Variants in KLF12 observed in about 807,000 individuals in gnomAD.
KLF12 encodes Krueppel-like factor 12.
In KLF12, 9 loss-of-function variants were observed where a neutral mutation model predicts 37.8. The observed-to-expected ratio is 0.24, with a 90% CI of 0.14 to 0.42. The LOEUF is 0.42. Ranked by LOEUF, KLF12 falls within the 10% of genes least tolerant of loss-of-function variation. KLF12 has a pLI of 1.00. For synonymous variants in KLF12, 208 were observed against 202.1 expected, an observed-to-expected ratio of 1.03 and a Z score of -0.25; for missense variants, 411 against 516.0, an observed-to-expected ratio of 0.80 and a Z score of 1.97.
At chr13:74,195,044 AC>A in the KLF12 span, among the ~76,000 whole-genome samples, 2 of 152,144 alleles carry the variant, frequency 1.3e-5, no homozygotes, top group Non-Finnish European at 2.9e-5. Flanking sequence ...AGCAGACTGA[AC>A]AGGAGCTTTG....
intron 2 of KLF12, among the ~76,000 whole-genome samples, chr13:73,994,242 T>C (rs942520215): frequency 6.6e-6 from 1 of 152,072 alleles, no homozygotes; most frequent in Non-Finnish European, 1.5e-5. Context: ...AAATATGAAA[T>C]TGTATTGCTG....
intron 1 of KLF12, among the ~76,000 whole-genome samples, chr13:74,046,317 A>C (rs1182378723): frequency 1.3e-5 from 2 of 152,190 alleles, no homozygotes; most frequent in African/African-American, 2.4e-5. Flanking sequence ...ACTCCAAAAA[A>C]TAAAGTTTAT....
chr13:74,100,734 T>C (rs4885150), intron 1 of KLF12, among the ~76,000 whole-genome samples: 83,831 of 152,070 alleles, frequency 0.55, 28,285 homozygotes, highest in East Asian at 0.89. Context: ...CATAAAAATG[T>C]ATGTGTACAT....
At chr13:74,150,458 A>G in the KLF12 span, among the ~76,000 whole-genome samples, 1 of 152,218 alleles carries the variant, frequency 6.6e-6, no homozygotes, top group Non-Finnish European at 1.5e-5. Flanking sequence ...CATCTCAACT[A>G]TTCATGACCT....
intron 7 of KLF12, among the ~76,000 whole-genome samples, chr13:73,705,946 G>A (rs1474625064): frequency 6.6e-6 from 1 of 152,164 alleles, no homozygotes; most frequent in Non-Finnish European, 1.5e-5. Flanking sequence ...AAGGTCATGA[G>A]ATCGAGACCA....
At chr13:74,126,833 C>T (rs1877969429) in intron 1 of KLF12, among the ~76,000 whole-genome samples, 1 of 152,074 alleles carries the variant, frequency 6.6e-6, no homozygotes. Flanking sequence ...ATTCCATGTG[C>T]CAGTTATTTG....
At chr13:73,774,148 T>G (rs9600168) in intron 5 of KLF12, among the ~76,000 whole-genome samples, 13,120 of 152,050 alleles carry the variant, frequency 0.086, 925 homozygotes, top group African/African-American at 0.2. Context: ...TACTGTTGTA[T>G]AAATAAAAAG....
chr13:74,219,696 A>C, the KLF12 span, among the ~76,000 whole-genome samples: 1 of 152,208 alleles, frequency 6.6e-6, no homozygotes, highest in East Asian at 1.9e-4. Flanking sequence ...GCTCAAACTT[A>C]TTCTTGAATG....
chr13:73,856,806 T>G (rs1566420088), intron 3 of KLF12, among the ~76,000 whole-genome samples: 2 of 151,982 alleles, frequency 1.3e-5, no homozygotes, highest in Non-Finnish European at 2.9e-5. Flanking sequence ...CTCGTCAACA[T>G]GGTGAAACCG....
chr13:74,040,112 A>G lies in KLF12; in HGVS notation c.-31-45059T>C, dbSNP rs569435830. 3.3e-5 allele frequency among the ~76,000 whole-genome samples: 5 copies of G among 152,352 alleles called. No homozygotes were observed. In the South Asian group the frequency reaches 8.3e-4, roughly 25 times the overall value. On this transcript the variant is annotated intron_variant, in intron 1 of 7. Transcript: ENST00000377669. ...TTCCCTAATAAATGGCCACTACATT[A>G]TCTTTCAAAACTTATCTGTTAATTC...
chr13:73,694,205 A>C lies in KLF12; in HGVS notation c.*1285T>G, dbSNP rs1227285812. On this transcript the variant is annotated 3_prime_UTR_variant, in exon 8 of 8. Transcript: ENST00000377669. ...TTTCCACTGATTCAGTTCCAAGGAG[A>C]ACTGACCCATTAACCGAAGAGTTAA... The C allele has an allele frequency of 7.2e-5, 11 of 152,522 alleles. No homozygotes were observed. Among genetic ancestry groups the C allele is most frequent in the Non-Finnish European group, 1.5e-5 (1 of 68,036 alleles). 9.4% of individuals were successfully genotyped at this position (152,522 alleles called of 1,614,324 possible).
chr13:74,054,095 T>C (rs1873097113), intron 1 of KLF12, among the ~76,000 whole-genome samples: 1 of 152,168 alleles, frequency 6.6e-6, no homozygotes, highest in African/African-American at 2.4e-5. Flanking sequence ...AAATTTTAAA[T>C]TGCTCCAGAA....
chr13:74,081,658 C>A (rs1334412556), intron 1 of KLF12, among the ~76,000 whole-genome samples: 1 of 152,174 alleles, frequency 6.6e-6, no homozygotes, highest in East Asian at 1.9e-4. Flanking sequence ...ATGATCCATG[C>A]TCAATAAAAT....
At chr13:74,073,393 ATCTC>A (rs1050593525) in intron 1 of KLF12, among the ~76,000 whole-genome samples, 9 of 152,290 alleles carry the variant, frequency 5.9e-5, no homozygotes, top group African/African-American at 2.2e-4. Context: ...ACTTCCGTAA[ATCTC>A]TCTAAGACTT....
chr13:73,914,215 C>G (rs1422907888), intron 3 of KLF12, among the ~76,000 whole-genome samples: 1 of 152,162 alleles, frequency 6.6e-6, no homozygotes, highest in Non-Finnish European at 1.5e-5. Context: ...TTTCCAGGTC[C>G]TTCTCTGGCA....
At chr13:73,940,772 A>C (rs1175616201) in intron 3 of KLF12, among the ~76,000 whole-genome samples, 1 of 152,222 alleles carries the variant, frequency 6.6e-6, no homozygotes, top group Non-Finnish European at 1.5e-5. Flanking sequence ...GACCACATAC[A>C]CACAGCATAA....
At chr13:74,284,451 T>C in the KLF12 span, among the ~76,000 whole-genome samples, 2 of 152,190 alleles carry the variant, frequency 1.3e-5, no homozygotes, top group Non-Finnish European at 2.9e-5. Flanking sequence ...AACAGTGTGA[T>C]GATTTTTGTG....
intron 3 of KLF12, among the ~76,000 whole-genome samples, chr13:73,863,789 G>A (rs370066540): frequency 6.6e-6 from 1 of 152,090 alleles, no homozygotes; most frequent in Non-Finnish European, 1.5e-5. Context: ...CAAACTTTTG[G>A]TAGGTTTTTT....
At chr13:74,086,026 G>A (rs1875268507) in intron 1 of KLF12, among the ~76,000 whole-genome samples, 1 of 148,580 alleles carries the variant, frequency 6.7e-6, no homozygotes, top group Non-Finnish European at 1.5e-5. Context: ...AAGATATATT[G>A]AGTTTTTAAT....
Sources: allele counts gnomAD v4.1 joint callset (sites outside exome capture counted in the v4.1 genomes callset), GRCh38; gene constraint gnomAD v4.1.1; transcripts MANE v1.5; gene names NCBI Gene and HGNC (gene_info 2026-07-23, HGNC 2026-07-21).